Variants in PDE4D observed in about 807,000 individuals in gnomAD.
PDE4D encodes the protein phosphodiesterase 4D, also known as 3',5'-cyclic-AMP phosphodiesterase 4D.
Under a neutral mutation model 87.4 loss-of-function variants are expected in PDE4D, and 24 were observed. That is an observed-to-expected ratio of 0.27 (90% CI 0.20 to 0.39). PDE4D has a LOEUF of 0.39. Ranked by LOEUF, PDE4D falls within the 10% of genes least tolerant of loss-of-function variation. The probability of loss-of-function intolerance (pLI) is 1.00; values close to 1 mark genes in which losing one functional copy is unlikely to be tolerated. For synonymous variants in PDE4D, 384 were observed against 383.2 expected (o/e 1.00, Z -0.02); for missense variants, 714 against 1,041.0 (o/e 0.69, Z 4.32).
intron 1 of PDE4D, among the ~76,000 whole-genome samples, chr5:59,830,655 A>G (rs1376400014): frequency 2.0e-5 from 3 of 152,104 alleles, no homozygotes; most frequent in Non-Finnish European, 4.4e-5. Flanking sequence ...ATTAATTAAC[A>G]AATCAGAATA....
chr5:60,358,445 T>C lies in PDE4D; in HGVS notation c.-90+129497A>G, dbSNP rs557398170. Among the ~76,000 whole-genome samples, 3 of 152,310 alleles carry C rather than the reference T, an allele frequency of 2.0e-5. No homozygotes were observed. The South Asian group carries it at 6.2e-4, about 32-fold the overall frequency. ...TGGCAGAGGCATTGATAAATAATCT[T>C]GTTTTGGCTGACTGTATCAGACATG... On this transcript the variant is annotated intron_variant, in intron 1 of 16. Coordinates refer to the PDE4D transcript ENST00000502484.
intron 2 of PDE4D, among the ~76,000 whole-genome samples, chr5:60,014,698 A>C (rs1765353620): frequency 1.3e-5 from 2 of 152,360 alleles, no homozygotes; most frequent in South Asian, 2.1e-4. Context: ...AACTGGATAC[A>C]TTAGAAAATT....
At chr5:59,203,669 G>A (rs1417901801) in intron 2 of PDE4D, among the ~76,000 whole-genome samples, 1 of 151,890 alleles carries the variant, frequency 6.6e-6, no homozygotes, top group African/African-American at 2.4e-5. Context: ...GGCTTAAAAA[G>A]GGGATATCCT....
intron 1 of PDE4D, among the ~76,000 whole-genome samples, chr5:60,484,713 T>A (rs1748998084): frequency 6.6e-6 from 1 of 152,136 alleles, no homozygotes; most frequent in Admixed American, 6.5e-5. Flanking sequence ...AACATTAGGA[T>A]CAAACAGTGA....
intron 2 of PDE4D, among the ~76,000 whole-genome samples, chr5:60,010,304 A>G (rs1227245343): frequency 1.3e-5 from 2 of 152,208 alleles, no homozygotes; most frequent in African/African-American, 2.4e-5. Context: ...TCAGTGAGAT[A>G]AAGCACATAG....
intron 2 of PDE4D, among the ~76,000 whole-genome samples, chr5:60,145,852 G>C (rs1780941580): frequency 6.6e-6 from 1 of 152,182 alleles, no homozygotes; most frequent in Non-Finnish European, 1.5e-5. Flanking sequence ...TTATAAATAA[G>C]ATATGCCCTT....
At position 60,329,557 on chromosome 5, in the gene PDE4D, T is replaced by A. The variant is rs565291906; in HGVS notation, c.-89-143870A>T. 9.2e-5 allele frequency among the ~76,000 whole-genome samples: 14 copies of A among 152,320 alleles called. No individual in the cohort carries two copies. In the South Asian group the frequency reaches 2.7e-3, roughly 29 times the overall value. ...ACCTTATGTCAATTTCACCATCAGTTCTACCTGGGACTCTATGAGAGCAGA... is the reference window on the plus strand; with the variant it reads ...ACCTTATGTCAATTTCACCATCAGTACTACCTGGGACTCTATGAGAGCAGA... On this transcript the variant is annotated intron_variant, in intron 1 of 16. Coordinates refer to the PDE4D transcript ENST00000502484.
rs898279743 is a variant in PDE4D, at chr5:59,918,543, T to C, written c.272+69945A>G. On this transcript the variant is annotated intron_variant, in intron 3 of 16. Transcript: ENST00000502484. ...AGTGATGCCCTGTCACTCTTATGCT[T>C]ATGCTATATAAAATCCAGTCATACT... Among the ~76,000 whole-genome samples, 4 of 152,312 alleles carry C rather than the reference T, an allele frequency of 2.6e-5. 1 individual carries two copies. The highest frequency in any genetic ancestry group is 9.6e-5 in the African/African-American group (4 of 41,566).
At chr5:60,171,267 A>C (rs1339018595) in intron 2 of PDE4D, among the ~76,000 whole-genome samples, 1 of 152,052 alleles carries the variant, frequency 6.6e-6, no homozygotes, top group African/African-American at 2.4e-5. Context: ...GAGAGAAATA[A>C]AACATATTTC....
At chr5:59,206,790 C>A (rs867351473) in intron 2 of PDE4D, among the ~76,000 whole-genome samples, 2 of 152,050 alleles carry the variant, frequency 1.3e-5, no homozygotes, top group African/African-American at 4.8e-5. Flanking sequence ...TAATACACAC[C>A]TTTATTTAGA....
At chr5:59,739,925 C>A (rs1364638358) in intron 1 of PDE4D, among the ~76,000 whole-genome samples, 2 of 152,112 alleles carry the variant, frequency 1.3e-5, no homozygotes, top group Non-Finnish European at 2.9e-5. Flanking sequence ...ATATAAATCT[C>A]AGTTTACTAT....
intron 1 of PDE4D, among the ~76,000 whole-genome samples, chr5:59,817,555 C>T (rs1235335734): frequency 6.6e-6 from 1 of 152,170 alleles, no homozygotes; most frequent in African/African-American, 2.4e-5. Context: ...ATATTCCTAT[C>T]AGCTCATATG....
chr5:59,929,257 C>A (rs966082984), intron 3 of PDE4D, among the ~76,000 whole-genome samples: 5 of 152,136 alleles, frequency 3.3e-5, no homozygotes, highest in African/African-American at 1.2e-4. Flanking sequence ...GACATTTACA[C>A]AATTCACTTC....
intron 1 of PDE4D, among the ~76,000 whole-genome samples, chr5:59,246,237 C>T (rs1465767565): frequency 1.3e-5 from 2 of 152,058 alleles, no homozygotes; most frequent in East Asian, 3.9e-4. Context: ...AACCATTTTG[C>T]TTTTAAAATA....
intron 1 of PDE4D, among the ~76,000 whole-genome samples, chr5:60,303,676 T>A (rs941499723): frequency 6.6e-6 from 1 of 152,218 alleles, no homozygotes; most frequent in Non-Finnish European, 1.5e-5. Context: ...TGTTATGATT[T>A]CAGTTGTTTT....
At chr5:59,300,563 AG>A (rs1339328398) in intron 1 of PDE4D, among the ~76,000 whole-genome samples, 2 of 152,194 alleles carry the variant, frequency 1.3e-5, no homozygotes, top group Non-Finnish European at 2.9e-5. Context: ...TTAAATAAAA[AG>A]CATCTAGGAG....
intron 1 of PDE4D, among the ~76,000 whole-genome samples, chr5:59,681,006 C>T (rs1748909037): frequency 6.6e-6 from 1 of 151,980 alleles, no homozygotes; most frequent in Non-Finnish European, 1.5e-5. Context: ...CATACACTTT[C>T]CCCCTAGATA....
intron 1 of PDE4D, among the ~76,000 whole-genome samples, chr5:59,359,350 A>G (rs1045527347): frequency 3.9e-5 from 6 of 152,230 alleles, no homozygotes; most frequent in African/African-American, 1.4e-4. Context: ...TCAGTTACAG[A>G]CACAAGAAGT....
At chr5:59,474,354 AAGTT>A (rs1216370023) in intron 1 of PDE4D, among the ~76,000 whole-genome samples, 2 of 152,084 alleles carry the variant, frequency 1.3e-5, no homozygotes, top group Non-Finnish European at 2.9e-5. Flanking sequence ...AATCTCCAAA[AAGTT>A]AGGAGAATTT....
Sources: allele counts gnomAD v4.1 joint callset (sites outside exome capture counted in the v4.1 genomes callset), GRCh38; gene constraint gnomAD v4.1.1; transcripts MANE v1.5; gene names NCBI Gene and HGNC (gene_info 2026-07-23, HGNC 2026-07-21).